TAF11: variants seen among roughly 807,000 people sequenced by gnomAD.
TAF11 encodes TATA-box binding protein associated factor 11.
Under a neutral mutation model 23.0 loss-of-function variants are expected in TAF11, and 10 were observed. The ratio of observed to expected loss-of-function variants is 0.43; its 90% CI spans 0.27 to 0.74. TAF11 has a LOEUF of 0.74. TAF11 is among the 30% of genes least tolerant of loss of function. The pLI, the probability that TAF11 is intolerant of heterozygous loss-of-function variation, is 0.19. For missense variants in TAF11, 196 were observed against 261.7 expected, an observed-to-expected ratio of 0.75 and a Z score of 1.73; for synonymous variants, 85 against 95.8, an observed-to-expected ratio of 0.89 and a Z score of 0.66.
rs1245072329 is a variant in TAF11 at position 34,887,886 on chromosome 6, C to A, written c.72G>T (p.Val24=). The change falls in exon 1 of 5, where the codon GTG becomes GTT. Residue 24 remains valine (V), a synonymous_variant. Coordinates refer to ENST00000361288, the MANE Select transcript of TAF11 (RefSeq NM_005643.4). ...TGTCGGTAGCCCCCGGGTCCCCGGG[C>A]ACAGCGGCCGTCTCATCCGACTCCC... The part of the protein sequence containing the change: ...ETGESDETAA[V]PGDPGATDTD... 2 of 1,614,224 alleles carry A rather than the reference C, an allele frequency of 1.2e-6. No individual in the cohort carries two copies. Among genetic ancestry groups the A allele is most frequent in the Non-Finnish European group, 8.5e-7 (1 of 1,180,032 alleles).
chr6:34,887,001 C>A (rs1001393908), intron 1 of TAF11, among the ~76,000 whole-genome samples: 1 of 152,030 alleles, frequency 6.6e-6, no homozygotes, highest in African/African-American at 2.4e-5. Context: ...AAACACCAGA[C>A]CCAATTGATG....
Position 34,878,553 on chromosome 6 carries a change from T to A in TAF11, c.*37A>T. The stretch of plus-strand genomic sequence containing the variant: ...TTATAGGAAGTCTGGAACCAATACT[T>A]CTTCCGTCAGTAACATAGGCCTTTC... On this transcript the variant is annotated 3_prime_UTR_variant, in exon 5 of 5. Transcript: ENST00000361288. The A allele has an allele frequency of 1.7e-6, 2 of 1,153,440 alleles. No homozygotes were observed. The highest frequency in any genetic ancestry group is 2.4e-5 in the South Asian group (2 of 81,638). 71.5% of individuals were successfully genotyped at this position (1,153,440 alleles called of 1,614,324 possible).
At chr6:34,887,197 G>C (rs1242331191) in intron 1 of TAF11, among the ~76,000 whole-genome samples, 1 of 152,150 alleles carries the variant, frequency 6.6e-6, no homozygotes, top group East Asian at 1.9e-4. Context: ...AGCTACTCGG[G>C]AGGCTGAAGC....
At chr6:34,879,433 C>A (rs1766377215) in intron 4 of TAF11, 25 of 957,762 alleles carry the variant, frequency 2.6e-5, no homozygotes, top group Non-Finnish European at 3.0e-5. Context: ...AAGATCATGC[C>A]ACTGCACTCC....
chr6:34,885,314 CTTTAAA>C (rs1043357715), intron 1 of TAF11, among the ~76,000 whole-genome samples: 18 of 151,930 alleles, frequency 1.2e-4, no homozygotes, highest in African/African-American at 4.4e-4. Flanking sequence ...ATATATTTTT[CTTTAAA>C]TAAAGCTTTG....
chr6:34,878,620 G>A lies in TAF11; in HGVS notation c.606C>T (p.Asn202=). ...AGAAGATGATTTTTTTGTGCTTCGA[G>A]TTAGGGATCTGTCCTTTTGACTTTA... ...RRLKSKGQIP[N]SKHKKIIFF is the part of the protein sequence containing the mutation. Residue 202 remains asparagine, a synonymous_variant, in exon 5 of 5, where the codon AAC becomes AAT. Coordinates refer to ENST00000361288, the MANE Select transcript of TAF11 (RefSeq NM_005643.4). The A allele has an allele frequency of 1.2e-6, 2 of 1,608,622 alleles. No homozygotes were observed. Among genetic ancestry groups the A allele is most frequent in the Non-Finnish European group, 1.7e-6 (2 of 1,175,028 alleles).
chr6:34,888,045 T>C (rs1766576612), upstream of TAF11: 3 of 1,558,020 alleles, frequency 1.9e-6, no homozygotes, highest in South Asian at 1.2e-5. Flanking sequence ...AGGATCTTAC[T>C]TCCTGTCGTC....
chr6:34,887,713 C>T (rs4646916), intron 1 of TAF11, 74 bp downstream of exon 1: 1 of 1,588,612 alleles, frequency 6.3e-7, no homozygotes, highest in Non-Finnish European at 8.6e-7. Context: ...TAGGGACTAA[C>T]CAGAAGCCCG....
At chr6:34,879,700 C>T (rs1490276398) in intron 4 of TAF11, 1 of 985,344 alleles carries the variant, frequency 1.0e-6, no homozygotes, top group Non-Finnish European at 1.2e-6. Context: ...GCAAAGTCCA[C>T]TGCAGAAAAT....
At chr6:34,882,025 G>A (rs1256002970) in intron 2 of TAF11, among the ~76,000 whole-genome samples, 7 of 150,190 alleles carry the variant, frequency 4.7e-5, no homozygotes, top group Admixed American at 4.6e-4. Flanking sequence ...TATTTTCTAT[G>A]CTGTAACATA....
intron 1 of TAF11, 139 bp from the exon 2 acceptor site, chr6:34,883,219 T>C (rs986993831): frequency 1.0e-5 from 8 of 795,706 alleles, no homozygotes; most frequent in Non-Finnish European, 1.6e-5. Flanking sequence ...GACTGTACCA[T>C]CAAGGATAAG....
chr6:34,883,705 C>A (rs1393854556), intron 1 of TAF11, among the ~76,000 whole-genome samples: 1 of 152,120 alleles, frequency 6.6e-6, no homozygotes, highest in African/African-American at 2.4e-5. Flanking sequence ...GCATTTAATG[C>A]AATTTTACTT....
intron 1 of TAF11, among the ~76,000 whole-genome samples, chr6:34,885,830 A>G (rs1766515625): frequency 6.6e-6 from 1 of 152,000 alleles, no homozygotes; most frequent in Non-Finnish European, 1.5e-5. Flanking sequence ...TATTTAAAAA[A>G]CCTTTAGCTG....
At chr6:34,883,327 G>A (rs1766476968) in intron 1 of TAF11, among the ~76,000 whole-genome samples, 1 of 152,084 alleles carries the variant, frequency 6.6e-6, no homozygotes, top group African/African-American at 2.4e-5. Context: ...CACAGCTCCA[G>A]TATCTGTTTA....
rs4646937 is a variant in TAF11 at position 34,880,639 on chromosome 6, A to T, written c.321-263T>A. Among the ~76,000 whole-genome samples, 44 of 148,164 alleles carry T rather than the reference A, an allele frequency of 3.0e-4. No homozygotes were observed. The East Asian group carries it at 7.9e-3, about 27-fold the overall frequency. ...TCGTACTACACAGACTGTTTGCAGC[A>T]TTAGACACTATCTCCATAACTCTAT... On this transcript the variant is annotated intron_variant, in intron 2 of 4. Transcript: ENST00000361288. The surrounding 1 kb of genome is among the most constrained non-coding windows in gnomAD (Gnocchi z 4.8).
Position 34,879,512 on chromosome 6 carries a change from C to CAA in TAF11, c.505+453_505+454dup, listed in dbSNP as rs35438113. On this transcript the variant is annotated intron_variant, in intron 4 of 4. Coordinates refer to ENST00000361288, the MANE Select transcript of TAF11 (RefSeq NM_005643.4). The stretch of plus-strand genomic sequence containing the variant: ...AATTTAAAAGTATATATCTCCTGCT[C>CAA]AAAAAAAAAAAAAAAATTTCACCAG... The CAA allele has an allele frequency of 3.0e-3, 2,627 of 883,532 alleles. 1 individual carries two copies. The highest frequency in any genetic ancestry group is 9.7e-3 in the South Asian group (182 of 18,818). 54.7% of individuals were successfully genotyped at this position (883,532 alleles called of 1,614,324 possible). A position where few individuals can be genotyped will look rare whatever the true frequency, so the allele number is the denominator to read the frequency against.
In TAF11 at chr6:34,880,503, G is replaced by T; in HGVS notation, c.321-127C>A. On this transcript the variant is annotated intron_variant, in intron 2 of 4. Transcript: ENST00000361288. The surrounding 1 kb of genome is among the most constrained non-coding windows in gnomAD (Gnocchi z 4.8). ...AGGGGTCAATGGCATTAGGCTTGGT[G>T]CCTTGAGGAATGAAGATAAAACACT... 1.3e-6 allele frequency: 1 copy of T among 753,104 alleles called. No individual in the cohort carries two copies. The highest frequency in any genetic ancestry group is 2.1e-6 in the Non-Finnish European group (1 of 469,130). 46.7% of individuals were successfully genotyped at this position (753,104 alleles called of 1,614,324 possible).
At chr6:34,883,945 G>A (rs938951400) in intron 1 of TAF11, among the ~76,000 whole-genome samples, 4 of 152,190 alleles carry the variant, frequency 2.6e-5, no homozygotes, top group Non-Finnish European at 5.9e-5. Flanking sequence ...GGAGGCAAAG[G>A]AAAGCTTTTA....
chr6:34,880,555 G>A lies in TAF11; in HGVS notation c.321-179C>T, dbSNP rs1164258663. The stretch of plus-strand genomic sequence containing the variant: ...CTACTCCAAAGGAATTTGAGAAAAC[G>A]TAAAACAAAAACTTCTTTTCTTACC... On this transcript the variant is annotated intron_variant, in intron 2 of 4. Coordinates refer to ENST00000361288, the MANE Select transcript of TAF11 (RefSeq NM_005643.4). The surrounding 1 kb of genome is among the most constrained non-coding windows in gnomAD (Gnocchi z 4.8). Among the ~76,000 whole-genome samples the A allele has an allele frequency of 2.6e-5, 4 of 152,250 alleles. No individual in the cohort carries two copies. Among genetic ancestry groups the A allele is most frequent in the South Asian group, 2.1e-4 (1 of 4,818 alleles).
Sources: gnomAD v4.1 joint callset for allele counts (sites outside exome capture counted in the v4.1 genomes callset) on GRCh38, gnomAD v4.1.1 for gene constraint, Gnocchi (gnomAD v3.1) non-coding constraint, MANE v1.5 for transcripts, NCBI Gene and HGNC (gene_info 2026-07-23, HGNC 2026-07-21) for gene names.